Variants in LSAMP observed in about 807,000 individuals in gnomAD.
LSAMP encodes limbic system-associated membrane protein.
Under a neutral mutation model 38.6 loss-of-function variants are expected in LSAMP, and 7 were observed. The ratio of observed to expected loss-of-function variants is 0.18; its 90% CI spans 0.10 to 0.34. The LOEUF is 0.34. LSAMP is among the 10% of genes least tolerant of loss of function. The pLI, the probability that LSAMP is intolerant of heterozygous loss-of-function variation, is 1.00. For missense variants in LSAMP, 313 were observed against 420.0 expected (o/e 0.75, Z 2.23); for synonymous variants, 154 against 166.8 (o/e 0.92, Z 0.59).
chr3:115,839,648 C>T (rs1934931892), intron 6 of LSAMP, among the ~76,000 whole-genome samples: 1 of 152,108 alleles, frequency 6.6e-6, no homozygotes, highest in Non-Finnish European at 1.5e-5. Flanking sequence ...CCTAACTTTC[C>T]CATAAAAGTG....
In LSAMP at chr3:116,198,777, A is replaced by AAAAAAAAAAAAG. The variant is rs1229439634; in HGVS notation, c.156-112222_156-112221insCTTTTTTTTTTT. 1.2e-4 allele frequency among the ~76,000 whole-genome samples: 18 copies of AAAAAAAAAAAAG among 147,450 alleles called. No individual in the cohort carries two copies. In the East Asian group the frequency reaches 1.6e-3, roughly 13 times the overall value. On this transcript the variant is annotated intron_variant, in intron 1 of 6. Coordinates refer to ENST00000490035, the MANE Select transcript of LSAMP (RefSeq NM_002338.5). ...CAGAGCAAGACTCCGTCTCAGAAAA[A>AAAAAAAAAAAAG]AAAAGAAAATCAGAACTGGACTGGG...
chr3:116,103,076 T>A (rs1193276805), intron 1 of LSAMP, among the ~76,000 whole-genome samples: 1 of 152,174 alleles, frequency 6.6e-6, no homozygotes, highest in Non-Finnish European at 1.5e-5. Context: ...ATTTAAAGAA[T>A]ATTGGTGTGT....
intron 3 of LSAMP, among the ~76,000 whole-genome samples, chr3:115,938,183 A>T (rs1207193328): frequency 6.6e-6 from 1 of 152,194 alleles, no homozygotes; most frequent in African/African-American, 2.4e-5. Flanking sequence ...GAAAATGAAT[A>T]GATAATTTAT....
intron 1 of LSAMP, among the ~76,000 whole-genome samples, chr3:116,303,951 A>G (rs1040135968): frequency 6.6e-6 from 1 of 152,128 alleles, no homozygotes; most frequent in African/African-American, 2.4e-5. Context: ...ATGCCTATGG[A>G]GGAGTGTGAT....
At chr3:116,167,629 G>C (rs1373850423) in intron 1 of LSAMP, among the ~76,000 whole-genome samples, 3 of 151,864 alleles carry the variant, frequency 2.0e-5, no homozygotes, top group African/African-American at 7.3e-5. Flanking sequence ...TTGAATTCTT[G>C]TCATGGACCA....
intron 1 of LSAMP, among the ~76,000 whole-genome samples, chr3:116,338,484 T>C (rs998333654): frequency 6.6e-6 from 1 of 151,914 alleles, no homozygotes. Context: ...GATGTGGAGA[T>C]GAATCTGTTT....
intron 1 of LSAMP, among the ~76,000 whole-genome samples, chr3:116,385,363 AAGG>A: frequency 6.6e-6 from 1 of 152,316 alleles, no homozygotes; most frequent in African/African-American, 2.4e-5. Flanking sequence ...CACAAATAGT[AAGG>A]TGTACATAAG....
intron 1 of LSAMP, among the ~76,000 whole-genome samples, chr3:116,330,371 A>G (rs2047833224): frequency 2.0e-5 from 3 of 152,102 alleles, no homozygotes; most frequent in Admixed American, 2.0e-4. Context: ...GGTGAGCAAA[A>G]AAGACCTTGT....
intron 3 of LSAMP, among the ~76,000 whole-genome samples, chr3:116,004,535 T>TATACAC (rs1553758549): frequency 6.7e-6 from 1 of 149,154 alleles, no homozygotes; most frequent in African/African-American, 2.5e-5. Context: ...TATATATATA[T>TATACAC]ACACACACAC....
At chr3:116,377,202 G>A (rs1220177927) in intron 1 of LSAMP, among the ~76,000 whole-genome samples, 1 of 151,968 alleles carries the variant, frequency 6.6e-6, no homozygotes, top group African/African-American at 2.4e-5. Flanking sequence ...GCATGCATTT[G>A]CTCTTTTTCC....
intron 1 of LSAMP, among the ~76,000 whole-genome samples, chr3:116,269,697 A>G (rs1295948480): frequency 6.6e-6 from 1 of 152,122 alleles, no homozygotes; most frequent in African/African-American, 2.4e-5. Flanking sequence ...ACTGTAGGAC[A>G]ACTAGTATAA....
intron 1 of LSAMP, among the ~76,000 whole-genome samples, chr3:116,150,673 T>C (rs975666558): frequency 2.6e-5 from 4 of 151,906 alleles, no homozygotes; most frequent in African/African-American, 9.7e-5. Context: ...GTCAGGGTTA[T>C]CAAGATGCAG....
chr3:115,829,193 G>GT (rs2107479845), intron 6 of LSAMP, among the ~76,000 whole-genome samples: 1 of 152,242 alleles, frequency 6.6e-6, no homozygotes, highest in South Asian at 2.1e-4. Flanking sequence ...AGAAGGAAGA[G>GT]TAAAGAGGTG....
intron 3 of LSAMP, among the ~76,000 whole-genome samples, chr3:115,957,855 T>G (rs973258672): frequency 1.3e-5 from 2 of 152,138 alleles, no homozygotes; most frequent in African/African-American, 4.8e-5. Context: ...GTTATCACCT[T>G]GTTGTAGAGG....
chr3:115,945,599 C>A (rs1293299617), intron 3 of LSAMP, among the ~76,000 whole-genome samples: 2 of 152,124 alleles, frequency 1.3e-5, no homozygotes, highest in African/African-American at 2.4e-5. Flanking sequence ...ATCATGCTGA[C>A]ACAAACAGAA....
chr3:115,932,381 TTTAG>T (rs1176649710), intron 3 of LSAMP, among the ~76,000 whole-genome samples: 1 of 152,182 alleles, frequency 6.6e-6, no homozygotes, highest in Non-Finnish European at 1.5e-5. Context: ...AAATTGTAAT[TTTAG>T]TTAGGCATGA....
chr3:116,029,347 A>C (rs567990097), intron 2 of LSAMP, among the ~76,000 whole-genome samples: 1 of 152,280 alleles, frequency 6.6e-6, no homozygotes, highest in South Asian at 2.1e-4. Flanking sequence ...TCATTTAGAC[A>C]CAAATTTCAT....
At chr3:116,256,142 A>G (rs926388822) in intron 1 of LSAMP, among the ~76,000 whole-genome samples, 2 of 152,248 alleles carry the variant, frequency 1.3e-5, no homozygotes, top group Non-Finnish European at 2.9e-5. Context: ...GATTAGCAAA[A>G]GAAGGTTAAA....
intron 1 of LSAMP, among the ~76,000 whole-genome samples, chr3:116,291,891 G>T (rs1210504616): frequency 6.6e-6 from 1 of 152,150 alleles, no homozygotes; most frequent in Non-Finnish European, 1.5e-5. Flanking sequence ...GCCCAGCAGA[G>T]CTCCTGTTTT....
Sources: gnomAD v4.1 joint callset for allele counts (sites outside exome capture counted in the v4.1 genomes callset) on GRCh38, gnomAD v4.1.1 for gene constraint, MANE v1.5 for transcripts, NCBI Gene and HGNC (gene_info 2026-07-23, HGNC 2026-07-21) for gene names.